The following KIF2A variants were observed in gnomAD, a reference collection of about 807,000 sequenced individuals.
The protein encoded by KIF2A is kinesin family member 2A.
In KIF2A, 22 loss-of-function variants were observed where a neutral mutation model predicts 100.2. That is an observed-to-expected ratio of 0.22 (90% CI 0.16 to 0.31). The LOEUF (loss-of-function observed/expected upper bound fraction) is 0.31. Among genes scored for constraint, KIF2A ranks in the 10% least tolerant of loss-of-function variants. The pLI, the probability that KIF2A is intolerant of heterozygous loss-of-function variation, is 1.00. For synonymous variants in KIF2A, 268 were observed against 285.9 expected (o/e 0.94, Z 0.63); for missense variants, 495 against 898.7 (o/e 0.55, Z 5.74).
At chr5:62,333,320 T>C (rs1421978728) in intron 1 of KIF2A, among the ~76,000 whole-genome samples, 1 of 152,204 alleles carries the variant, frequency 6.6e-6, no homozygotes, top group Non-Finnish European at 1.5e-5. Context: ...GCCTGTACTT[T>C]CCAAAACTGT....
intron 16 of KIF2A, among the ~76,000 whole-genome samples, chr5:62,370,543 C>T (rs1409378802): frequency 1.3e-5 from 2 of 151,974 alleles, no homozygotes; most frequent in African/African-American, 2.4e-5. Context: ...GTGATCTGCC[C>T]GCCTCAGCCT....
chr5:62,308,560 G>A lies in KIF2A; in HGVS notation c.64+2024G>A, dbSNP rs1745420082. ...TGTGTGTGTGTATACGTTTATGTGT[G>A]TGTATAGACAATGTACAATGGAACA... On this transcript the variant is annotated intron_variant, in intron 1 of 20. Coordinates refer to ENST00000407818, the MANE Select transcript of KIF2A (RefSeq NM_001098511.3). 3 of 702,400 alleles carry A rather than the reference G, an allele frequency of 4.3e-6. No individual in the cohort carries two copies. The South Asian group carries it at 4.4e-5, about 10-fold the overall frequency. 43.5% of individuals were successfully genotyped at this position (702,400 alleles called of 1,614,324 possible). A position where few individuals can be genotyped will look rare whatever the true frequency, so the allele number is the denominator to read the frequency against.
chr5:62,313,108 A>G (rs1368201483), intron 1 of KIF2A, among the ~76,000 whole-genome samples: 1 of 152,200 alleles, frequency 6.6e-6, no homozygotes, highest in African/African-American at 2.4e-5. Context: ...AAAAATGAAT[A>G]AAGCAAAAAT....
intron 1 of KIF2A, among the ~76,000 whole-genome samples, chr5:62,334,505 C>T (rs6885188): frequency 7.1e-6 from 1 of 140,570 alleles, no homozygotes; most frequent in Non-Finnish European, 1.5e-5. Flanking sequence ...CCCACTTCTC[C>T]TCCTCCTCCC....
At chr5:62,326,043 G>A (rs150414176) in intron 1 of KIF2A, among the ~76,000 whole-genome samples, 74 of 152,162 alleles carry the variant, frequency 4.9e-4, no homozygotes, top group African/African-American at 1.7e-3. Flanking sequence ...CCTGGGTGAT[G>A]GGATCATTTG....
At chr5:62,383,714 A>G (rs1174503206) in intron 20 of KIF2A, among the ~76,000 whole-genome samples, 1 of 151,996 alleles carries the variant, frequency 6.6e-6, no homozygotes, top group Non-Finnish European at 1.5e-5. Context: ...TGTTTTGATC[A>G]TTTTTCTAAT....
At chr5:62,344,336 G>A (rs75304142) in intron 1 of KIF2A, among the ~76,000 whole-genome samples, 13,126 of 143,012 alleles carry the variant, frequency 0.092, 705 homozygotes, top group African/African-American at 0.15. Flanking sequence ...GACAGAGCGC[G>A]ACTCCATCTC....
At chr5:62,361,211 C>T in intron 9 of KIF2A, 31 bp from the exon 10 acceptor site, 1 of 1,194,840 alleles carries the variant, frequency 8.4e-7, no homozygotes, top group African/African-American at 1.5e-5. Flanking sequence ...ATATTGGTGA[C>T]ACATTCTGAC....
intron 1 of KIF2A, chr5:62,308,498 A>G: frequency 1.4e-6 from 1 of 719,682 alleles, no homozygotes; most frequent in Non-Finnish European, 2.5e-6. Context: ...AGCAACCTAA[A>G]TGTCCATCGA....
intron 19 of KIF2A, 27 bp from the exon 20 acceptor site, chr5:62,381,091 T>G: frequency 6.3e-7 from 1 of 1,582,886 alleles, no homozygotes; most frequent in Non-Finnish European, 8.6e-7. Context: ...AGATGCTTAT[T>G]GGATTATCGA....
At chr5:62,320,865 C>T (rs1746060476) in intron 1 of KIF2A, among the ~76,000 whole-genome samples, 2 of 152,042 alleles carry the variant, frequency 1.3e-5, no homozygotes, top group African/African-American at 4.8e-5. Flanking sequence ...ATTATTACCA[C>T]TGTCCAATTT....
intron 1 of KIF2A, among the ~76,000 whole-genome samples, chr5:62,314,190 G>A (rs1376985991): frequency 2.0e-5 from 3 of 152,210 alleles, no homozygotes; most frequent in South Asian, 2.1e-4. Flanking sequence ...AGACTGGCTC[G>A]GTGTGGTGTC....
intron 19 of KIF2A, among the ~76,000 whole-genome samples, chr5:62,378,241 C>A (rs1400164346): frequency 6.6e-6 from 1 of 152,202 alleles, no homozygotes; most frequent in Non-Finnish European, 1.5e-5. Flanking sequence ...CCACCTGTAG[C>A]AGTAACTCCT....
At chr5:62,382,550 G>GT (rs1741816000) in intron 20 of KIF2A, among the ~76,000 whole-genome samples, 1 of 151,476 alleles carries the variant, frequency 6.6e-6, no homozygotes, top group Non-Finnish European at 1.5e-5. Flanking sequence ...AACAAGAAGT[G>GT]TTTTGGATTT....
intron 1 of KIF2A, among the ~76,000 whole-genome samples, chr5:62,335,313 G>T (rs1459804140): frequency 6.6e-6 from 1 of 152,162 alleles, no homozygotes; most frequent in East Asian, 1.9e-4. Context: ...GAGACCCAGT[G>T]CCCTGCTACC....
At chr5:62,308,851 G>A (rs1344234461) in intron 1 of KIF2A, among the ~76,000 whole-genome samples, 2 of 152,254 alleles carry the variant, frequency 1.3e-5, no homozygotes, top group African/African-American at 4.8e-5. Flanking sequence ...GATACAGGGG[G>A]ACCAATGTTA....
At chr5:62,340,808 A>G (rs1291992273) in intron 1 of KIF2A, among the ~76,000 whole-genome samples, 1 of 152,134 alleles carries the variant, frequency 6.6e-6, no homozygotes, top group Non-Finnish European at 1.5e-5. Flanking sequence ...AAAATTTAAA[A>G]AGAAAAATTA....
In KIF2A at chr5:62,381,148, G is replaced by T. The variant is rs61748225; in HGVS notation, c.2044G>T (p.Ala682Ser). The T allele has an allele frequency of 2.6e-5, 42 of 1,610,636 alleles. No individual in the cohort carries two copies. Among genetic ancestry groups the T allele is most frequent in the Non-Finnish European group, 3.2e-5 (38 of 1,177,268 alleles). Residue 682 changes from alanine (A) to serine (S), a missense_variant, in exon 20 of 21, where the codon GCC (alanine) becomes TCC (serine). Physicochemically the swap from Ala to Ser is moderately conservative, Grantham distance 99 (BLOSUM62 1). Around this residue, in one of 10 missense-constraint regions of KIF2A, gnomAD observed 58 missense variants for 94.8 expected, o/e 0.61. Transcript: ENST00000407818. ...TATTCGGTGGTTAGAAGATGAAAAG[G>T]CCCTCTTAGAGATGACTGAAGAAGT... ...ESIRWLEDEKALLEMTEEVDY... is the reference protein window; with the variant it reads ...ESIRWLEDEKSLLEMTEEVDY...
intron 4 of KIF2A, among the ~76,000 whole-genome samples, chr5:62,351,985 C>T (rs1297141924): frequency 1.3e-5 from 2 of 151,986 alleles, no homozygotes; most frequent in Non-Finnish European, 2.9e-5. Context: ...GAAACCTCGT[C>T]TCTACTAAAA....
Sources: allele counts gnomAD v4.1 joint callset (sites outside exome capture counted in the v4.1 genomes callset), GRCh38; gene constraint gnomAD v4.1.1; regional missense constraint gnomAD v4.1.1; transcripts MANE v1.5; gene names NCBI Gene and HGNC (gene_info 2026-07-23, HGNC 2026-07-21).